Variants in WARS2 observed in about 807,000 individuals in gnomAD.
WARS2 encodes the protein tryptophanyl tRNA synthetase 2, mitochondrial, also known as tryptophan--tRNA ligase, mitochondrial.
In WARS2, 28 loss-of-function variants were observed where a neutral mutation model predicts 36.5. That is an observed-to-expected ratio of 0.77 (90% CI 0.57 to 1.05). The LOEUF is 1.05. Ranked by LOEUF, WARS2 falls within the 50% of genes least tolerant of loss-of-function variation. The pLI is 0.00. For missense variants in WARS2, 435 were observed against 456.8 expected, an observed-to-expected ratio of 0.95 and a Z score of 0.44; for synonymous variants, 174 against 178.4, an observed-to-expected ratio of 0.98 and a Z score of 0.20.
intron 4 of WARS2, among the ~76,000 whole-genome samples, chr1:119,039,876 AAC>A (rs1305153107): frequency 6.6e-6 from 1 of 152,196 alleles, no homozygotes; most frequent in African/African-American, 2.4e-5. Context: ...GGAAAAAAAA[AAC>A]ACAGATGTTT....
At position 119,032,169 on chromosome 1, in the gene WARS2, C is replaced by G. The variant is rs534196610; in HGVS notation, c.*742G>C. ...TCATGTGTAAAATGACAATAATTCT[C>G]CTAATTCATAGGGGGTTGGTGAGAC... is the stretch of plus-strand genomic sequence containing the variant. On this transcript the variant is annotated 3_prime_UTR_variant, in exon 6 of 6. Coordinates refer to ENST00000235521, the MANE Select transcript of WARS2 (RefSeq NM_015836.4). 1 of 152,212 alleles carries G rather than the reference C, an allele frequency of 6.6e-6. No individual in the cohort carries two copies. Among genetic ancestry groups the G allele is most frequent in the South Asian group, 2.1e-4 (1 of 4,812 alleles). 9.4% of individuals were successfully genotyped at this position (152,212 alleles called of 1,614,324 possible).
At chr1:119,034,886 C>A (rs1647738752) in intron 4 of WARS2, among the ~76,000 whole-genome samples, 1 of 152,002 alleles carries the variant, frequency 6.6e-6, no homozygotes, top group Non-Finnish European at 1.5e-5. Context: ...TTTACAAGTG[C>A]CTATGGAAAT....
At chr1:119,036,573 C>T (rs1647904918) in intron 4 of WARS2, among the ~76,000 whole-genome samples, 1 of 152,190 alleles carries the variant, frequency 6.6e-6, no homozygotes, top group Non-Finnish European at 1.5e-5. Flanking sequence ...CATAGGAAAT[C>T]ACAATGGACT....
intron 2 of WARS2, among the ~76,000 whole-genome samples, chr1:119,065,741 A>G (rs974768737): frequency 5.3e-5 from 8 of 152,306 alleles, no homozygotes; most frequent in East Asian, 1.9e-4. Flanking sequence ...AACAAAATTT[A>G]TCAAGAGGAA....
At chr1:119,132,364 G>T (rs960276663) in intron 1 of WARS2, among the ~76,000 whole-genome samples, 1 of 152,164 alleles carries the variant, frequency 6.6e-6, no homozygotes, top group African/African-American at 2.4e-5. Context: ...GTAGCTAGTA[G>T]CCAGTCGGTG....
chr1:119,123,603 A>AACAC lies in WARS2; in HGVS notation c.90+16948_90+16951dup, dbSNP rs61318006. On this transcript the variant is annotated intron_variant, in intron 1 of 5. Transcript: ENST00000235521. ...AAGAGCATGCACTTGTGTGCATGCAAACACACACACACACACACACGTTAA... is the reference window on the plus strand; with the variant it reads ...AAGAGCATGCACTTGTGTGCATGCAAACACACACACACACACACACACACGTTAA... 1.5e-3 allele frequency among the ~76,000 whole-genome samples: 230 copies of AACAC among 151,174 alleles called. 2 individuals carry two copies. The highest frequency in any genetic ancestry group is 6.3e-3 in the East Asian group (32 of 5,110).
intron 1 of WARS2, among the ~76,000 whole-genome samples, chr1:119,102,889 T>C (rs769651370): frequency 9.2e-5 from 14 of 152,234 alleles, no homozygotes; most frequent in Non-Finnish European, 1.5e-4. Flanking sequence ...TTTATTATCA[T>C]CCTATAAAAC....
At chr1:119,136,058 C>T (rs1405152364) in intron 1 of WARS2, among the ~76,000 whole-genome samples, 1 of 152,066 alleles carries the variant, frequency 6.6e-6, no homozygotes, top group Admixed American at 6.6e-5. Context: ...AGGCGTCAGC[C>T]ACCGTGCTTG....
rs778783937 is a variant in WARS2, at chr1:119,033,415, C to G, written c.635-56G>C. The G allele has an allele frequency of 2.0e-5, 32 of 1,597,742 alleles. 1 individual carries two copies. In the South Asian group the frequency reaches 3.5e-4, roughly 17 times the overall value. On this transcript the variant is annotated intron_variant, in intron 5 of 5. Coordinates refer to ENST00000235521, the MANE Select transcript of WARS2 (RefSeq NM_015836.4). ...CAAAACAAAAACAAAACAAACAGATCACCAAGATGTACACACAGACAGTTC... is the reference window on the plus strand; with the variant it reads ...CAAAACAAAAACAAAACAAACAGATGACCAAGATGTACACACAGACAGTTC...
At chr1:119,055,556 C>T (rs1391677088) in intron 2 of WARS2, among the ~76,000 whole-genome samples, 1 of 152,108 alleles carries the variant, frequency 6.6e-6, no homozygotes, top group Non-Finnish European at 1.5e-5. Context: ...GCACAAGATT[C>T]ACTTGAACCC....
Position 119,112,391 on chromosome 1 carries a change from A to T in WARS2, c.90+28164T>A, listed in dbSNP as rs1383453678. Among the ~76,000 whole-genome samples, 4 of 152,190 alleles carry T rather than the reference A, an allele frequency of 2.6e-5. No individual in the cohort carries two copies. The East Asian group carries it at 7.7e-4, about 29-fold the overall frequency. ...AATTGTTTTTTAATTGGGAAATATCAGAGCAGTTTTTATGGTGATGGAAAT... is the reference window on the plus strand; with the variant it reads ...AATTGTTTTTTAATTGGGAAATATCTGAGCAGTTTTTATGGTGATGGAAAT... On this transcript the variant is annotated intron_variant, in intron 1 of 5. Transcript: ENST00000235521.
At chr1:119,128,792 T>C (rs1655878025) in intron 1 of WARS2, among the ~76,000 whole-genome samples, 3 of 152,040 alleles carry the variant, frequency 2.0e-5, no homozygotes, top group South Asian at 4.2e-4. Flanking sequence ...ATCCACATGG[T>C]TGGTAAGCAT....
Position 119,032,964 on chromosome 1 carries a change from C to A in WARS2, c.1030G>T (p.Glu344Ter), listed in dbSNP as rs1647552297. 1 of 1,614,238 alleles carries A rather than the reference C, an allele frequency of 6.2e-7. No individual in the cohort carries two copies. The highest frequency in any genetic ancestry group is 1.1e-5 in the South Asian group (1 of 91,088). ...TCCTGGCACACAGTGTATGCTAATTCTTTGGCTTTTGCTGATCCAATTTGT... is the reference window on the plus strand; with the variant it reads ...TCCTGGCACACAGTGTATGCTAATTATTTGGCTTTTGCTGATCCAATTTGT... ...VLQIGSAKAKELAYTVCQEVK... is the reference protein window; with the variant it reads ...VLQIGSAKAK Residue 344 changes from glutamate (E) to a stop codon, truncating the protein, a stop_gained, in exon 6 of 6, where the codon GAA becomes TAA. Coordinates refer to ENST00000235521, the MANE Select transcript of WARS2 (RefSeq NM_015836.4). LOFTEE classifies it high-confidence loss of function.
At chr1:119,104,201 C>T (rs1654079405) in intron 1 of WARS2, among the ~76,000 whole-genome samples, 1 of 151,282 alleles carries the variant, frequency 6.6e-6, no homozygotes, top group African/African-American at 2.4e-5. Flanking sequence ...CATAGACATC[C>T]TTCCAGGTCA....
At chr1:119,082,139 AG>A (rs1409062139) in intron 1 of WARS2, among the ~76,000 whole-genome samples, 1 of 152,218 alleles carries the variant, frequency 6.6e-6, no homozygotes, top group Non-Finnish European at 1.5e-5. Context: ...TTAAAAAGAA[AG>A]AAAAAGGAGT....
chr1:119,075,218 T>C (rs1438685555), intron 2 of WARS2, among the ~76,000 whole-genome samples: 2 of 151,888 alleles, frequency 1.3e-5, no homozygotes, highest in Admixed American at 6.6e-5. Context: ...AATACCACGA[T>C]AGAAAAATAA....
At chr1:119,104,607 G>A (rs751477778) in intron 1 of WARS2, among the ~76,000 whole-genome samples, 25 of 143,596 alleles carry the variant, frequency 1.7e-4, no homozygotes, top group Non-Finnish European at 3.2e-4. Flanking sequence ...AATACAGAAT[G>A]TGATTAGTGC....
At chr1:119,049,059 G>A (rs1360521714) in intron 2 of WARS2, among the ~76,000 whole-genome samples, 1 of 152,092 alleles carries the variant, frequency 6.6e-6, no homozygotes, top group African/African-American at 2.4e-5. Flanking sequence ...GCAACGGAGC[G>A]AGACTCTGTC....
intron 4 of WARS2, among the ~76,000 whole-genome samples, chr1:119,039,923 C>T (rs1648207389): frequency 6.6e-6 from 1 of 152,014 alleles, no homozygotes; most frequent in Non-Finnish European, 1.5e-5. Flanking sequence ...TACCTGTCTA[C>T]ATTTATAATA....
Sources: gnomAD v4.1 joint callset for allele counts (sites outside exome capture counted in the v4.1 genomes callset) on GRCh38, gnomAD v4.1.1 for gene constraint, MANE v1.5 for transcripts, NCBI Gene and HGNC (gene_info 2026-07-23, HGNC 2026-07-21) for gene names.